The following PTPRT variants were observed in gnomAD, a reference collection of about 807,000 sequenced individuals.
PTPRT encodes receptor-type tyrosine-protein phosphatase T.
PTPRT carries 56 observed loss-of-function variants against 176.8 expected under a neutral mutation model. The ratio of observed to expected loss-of-function variants is 0.32; its 90% confidence interval spans 0.26 to 0.40. PTPRT has a LOEUF of 0.40. PTPRT is among the 10% of genes least tolerant of loss of function. PTPRT has a pLI of 1.00. For synonymous variants in PTPRT, 783 were observed against 739.0 expected (o/e 1.06, Z -0.96); for missense variants, 1,540 against 1,908.2 (o/e 0.81, Z 3.60).
chr20:42,851,967 TAGTA>T (rs2078479976), intron 2 of PTPRT, among the ~76,000 whole-genome samples: 2 of 152,254 alleles, frequency 1.3e-5, no homozygotes, highest in Admixed American at 1.3e-4. Flanking sequence ...CATTATCACA[TAGTA>T]AGTATTTACA....
chr20:42,547,742 A>C (rs2072700869), intron 7 of PTPRT, among the ~76,000 whole-genome samples: 1 of 152,084 alleles, frequency 6.6e-6, no homozygotes, highest in Non-Finnish European at 1.5e-5. Flanking sequence ...TCAAAGAAAG[A>C]GAAAAGGATC....
intron 2 of PTPRT, among the ~76,000 whole-genome samples, chr20:42,813,641 G>A (rs929085078): frequency 6.6e-6 from 1 of 151,992 alleles, no homozygotes; most frequent in Admixed American, 6.5e-5. Flanking sequence ...ACCATATCAG[G>A]GAAGTTTGTT....
chr20:42,425,239 C>T lies in PTPRT; in HGVS notation c.1560+22981G>A, dbSNP rs561583826. Among the ~76,000 whole-genome samples the T allele has an allele frequency of 9.2e-5, 14 of 152,180 alleles. 1 individual carries two copies. Among genetic ancestry groups the T allele is most frequent in the South Asian group, 8.3e-4 (4 of 4,816 alleles). ...CAAACCCACACAAAGATTACTATAA[C>T]GCAATGCAGTCATTGCAATGACAAA... On this transcript the variant is annotated intron_variant, in intron 9 of 30. Coordinates refer to ENST00000373187, the MANE Select transcript of PTPRT (RefSeq NM_007050.6).
chr20:42,229,662 A>G (rs910926621), intron 15 of PTPRT, among the ~76,000 whole-genome samples: 3 of 152,190 alleles, frequency 2.0e-5, no homozygotes, highest in East Asian at 1.9e-4. Context: ...CATTATGTCC[A>G]TTGAATCTTT....
intron 1 of PTPRT, among the ~76,000 whole-genome samples, chr20:43,075,119 G>A (rs1054413885): frequency 6.6e-6 from 1 of 152,100 alleles, no homozygotes; most frequent in African/African-American, 2.4e-5. Flanking sequence ...CCTGCTTTCC[G>A]GCACTAAACA....
At chr20:42,608,599 A>C (rs946363429) in intron 7 of PTPRT, among the ~76,000 whole-genome samples, 1 of 152,182 alleles carries the variant, frequency 6.6e-6, no homozygotes, top group Non-Finnish European at 1.5e-5. Flanking sequence ...TGGAACAGCC[A>C]GGGGAGATTT....
chr20:42,713,041 G>T (rs750478831), intron 6 of PTPRT, among the ~76,000 whole-genome samples: 1 of 151,954 alleles, frequency 6.6e-6, no homozygotes, highest in Non-Finnish European at 1.5e-5. Flanking sequence ...TTTGAAATAC[G>T]CTACAATTTA....
At chr20:43,154,995 AACG>A (rs767751316) in intron 1 of PTPRT, among the ~76,000 whole-genome samples, 21 of 152,330 alleles carry the variant, frequency 1.4e-4, no homozygotes, top group Middle Eastern at 3.4e-3. Flanking sequence ...TTACAACTAC[AACG>A]AGATATCATC....
At chr20:42,101,656 T>A (rs928574608) in intron 26 of PTPRT, among the ~76,000 whole-genome samples, 2 of 152,242 alleles carry the variant, frequency 1.3e-5, no homozygotes, top group African/African-American at 4.8e-5. Flanking sequence ...GAGCCCCTAC[T>A]GTGCGCCATC....
chr20:42,859,851 T>G (rs1600485425), intron 2 of PTPRT, among the ~76,000 whole-genome samples: 1 of 151,910 alleles, frequency 6.6e-6, no homozygotes, highest in Non-Finnish European at 1.5e-5. Context: ...CTGGGCCTCC[T>G]AAAGTGCTGG....
At chr20:42,453,673 T>TC (rs2070871918) in intron 8 of PTPRT, among the ~76,000 whole-genome samples, 2 of 115,120 alleles carry the variant, frequency 1.7e-5, no homozygotes, top group South Asian at 6.3e-4. Context: ...CTTTTTCTTT[T>TC]CTTTTTTTTT....
In PTPRT at chr20:42,259,741, C is replaced by T. The variant is rs17224525; in HGVS notation, c.2177-10919G>A. 7.9e-3 allele frequency among the ~76,000 whole-genome samples: 1,199 copies of T among 152,310 alleles called. 7 individuals are homozygous for T. The highest frequency in any genetic ancestry group is 0.014 in the Middle Eastern group (4 of 294). On this transcript the variant is annotated intron_variant, in intron 13 of 30. Coordinates refer to ENST00000373187, the MANE Select transcript of PTPRT (RefSeq NM_007050.6). ...AAAGCAGAGATCAGGAGTCAACTTA[C>T]GGCTCGGGTTTAGAAGTGTTATGGC...
chr20:42,812,110 A>G (rs1427343050), intron 2 of PTPRT, among the ~76,000 whole-genome samples: 1 of 151,952 alleles, frequency 6.6e-6, no homozygotes, highest in Non-Finnish European at 1.5e-5. Flanking sequence ...TTGTGTCTAG[A>G]ATACTGGGTA....
At chr20:42,654,149 T>C (rs2145978546) in intron 7 of PTPRT, among the ~76,000 whole-genome samples, 1 of 152,086 alleles carries the variant, frequency 6.6e-6, no homozygotes, top group South Asian at 2.1e-4. Flanking sequence ...CTATGTAAAC[T>C]GAGGGAGAAA....
intron 11 of PTPRT, among the ~76,000 whole-genome samples, chr20:42,347,527 G>A (rs751334955): frequency 2.0e-5 from 3 of 152,064 alleles, no homozygotes; most frequent in Non-Finnish European, 2.9e-5. Flanking sequence ...AACATAAGCC[G>A]AGCACACCAG....
At chr20:42,888,118 A>G (rs919592478) in intron 1 of PTPRT, among the ~76,000 whole-genome samples, 1 of 152,206 alleles carries the variant, frequency 6.6e-6, no homozygotes, top group South Asian at 2.1e-4. Flanking sequence ...GCATTTTGTT[A>G]TAACAGCCGA....
In PTPRT at chr20:42,840,946, T is replaced by C. The variant is rs576074593; in HGVS notation, c.214+44861A>G. ...TCCTTATTGTTCATGGAGTCCTTCG[T>C]GCTACTTGACTCAAAGCCTTTTGCC... is the stretch of plus-strand genomic sequence containing the variant. On this transcript the variant is annotated intron_variant, in intron 2 of 30. Transcript: ENST00000373187. 5.0e-4 allele frequency among the ~76,000 whole-genome samples: 76 copies of C among 152,316 alleles called. 1 individual carries two copies. The highest frequency in any genetic ancestry group is 1.8e-3 in the African/African-American group (73 of 41,578).
the PTPRT span, among the ~76,000 whole-genome samples, chr20:42,062,079 ATCC>A: frequency 2.6e-5 from 4 of 152,194 alleles, no homozygotes; most frequent in Admixed American, 6.5e-5. Context: ...CCCTACAGGT[ATCC>A]GCAGGTAGGG....
At chr20:42,394,185 C>G (rs1301255241) in intron 9 of PTPRT, among the ~76,000 whole-genome samples, 3 of 152,074 alleles carry the variant, frequency 2.0e-5, no homozygotes, top group African/African-American at 7.2e-5. Flanking sequence ...CTGGCAAACA[C>G]TGATTTGCGT....
Sources: allele counts gnomAD v4.1 joint callset (sites outside exome capture counted in the v4.1 genomes callset), GRCh38; gene constraint gnomAD v4.1.1; transcripts MANE v1.5; gene names NCBI Gene and HGNC (gene_info 2026-07-23, HGNC 2026-07-21).